The following RALGDS variants were observed in gnomAD, a reference collection of about 807,000 sequenced individuals.
RALGDS encodes the protein ral guanine nucleotide dissociation stimulator.
In RALGDS, 44 loss-of-function variants were observed where a neutral mutation model predicts 99.8. That is an observed-to-expected ratio of 0.44 (90% CI 0.35 to 0.57). RALGDS has a LOEUF of 0.57. Ranked by LOEUF, RALGDS falls within the 20% of genes least tolerant of loss-of-function variation. The pLI, the probability that RALGDS is intolerant of heterozygous loss-of-function variation, is 0.01. For synonymous variants in RALGDS, 529 were observed against 505.0 expected (o/e 1.05, Z -0.64); for missense variants, 1,022 against 1,203.1 (o/e 0.85, Z 2.23).
intron 1 of RALGDS, chr9:133,129,306 C>T (rs1398122142): frequency 6.3e-7 from 1 of 1,587,588 alleles, no homozygotes; most frequent in Non-Finnish European, 8.5e-7. Context: ...ACCTGGCCTG[C>T]TTCCCGGGCC....
At position 133,119,530 on chromosome 9, in the gene RALGDS, C is replaced by T. The variant is rs562052360; in HGVS notation, c.183+1442G>A. On this transcript the variant is annotated intron_variant, in intron 1 of 17. Coordinates refer to ENST00000372050, the MANE Select transcript of RALGDS (RefSeq NM_006266.4). The stretch of plus-strand genomic sequence containing the variant: ...CAGGCAGGGGTGGGGCTCAGCTCTG[C>T]CTCTCCCTCAGTTCCTCAGGGACGG... Among the ~76,000 whole-genome samples, 4 of 152,276 alleles carry T rather than the reference C, an allele frequency of 2.6e-5. No individual in the cohort carries two copies. The South Asian group carries it at 8.3e-4, about 32-fold the overall frequency.
intron 4 of RALGDS, 83 bp downstream of exon 4, chr9:133,109,543 C>G: frequency 7.6e-7 from 1 of 1,309,832 alleles, no homozygotes; most frequent in Non-Finnish European, 1.1e-6. Flanking sequence ...CCCAGCCAGC[C>G]CCGGCTCCGG....
intron 1 of RALGDS, among the ~76,000 whole-genome samples, chr9:133,138,424 A>G (rs928774202): frequency 1.2e-4 from 19 of 152,300 alleles, no homozygotes; most frequent in Admixed American, 2.0e-4. Context: ...GACAAAGGAC[A>G]GCAAGGTACC....
At chr9:133,111,870 C>G (rs910651845) in intron 2 of RALGDS, among the ~76,000 whole-genome samples, 172 bp downstream of exon 2, 2 of 152,146 alleles carry the variant, frequency 1.3e-5, no homozygotes, top group African/African-American at 2.4e-5. Flanking sequence ...GCTGCACACC[C>G]GGGGAAGGGA....
At chr9:133,125,433 A>C (rs543665095), upstream of RALGDS, among the ~76,000 whole-genome samples, 2 of 152,268 alleles carry the variant, frequency 1.3e-5, no homozygotes, top group African/African-American at 2.4e-5. Flanking sequence ...TCCATAATAA[A>C]AGTTATAAGA....
At chr9:133,117,816 T>C (rs1360829473) in intron 1 of RALGDS, among the ~76,000 whole-genome samples, 1 of 152,246 alleles carries the variant, frequency 6.6e-6, no homozygotes, top group Non-Finnish European at 1.5e-5. Flanking sequence ...AGTCCTTGAC[T>C]GCCTGGGTGC....
chr9:133,098,752 G>T lies in RALGDS; in HGVS notation c.2580C>A (p.Ile860=). Residue 860 remains isoleucine, a synonymous_variant, in exon 18 of 18, where the codon ATC becomes ATA. Transcript: ENST00000372050. ...QILSDDRKLK[I]PENANVFYAM... ...CATAGAAGACGTTGGCGTTTTCAGG[G>T]ATCTTCAGCTCTGGTGGGGAGGGGC... 1 of 1,613,986 alleles carries T rather than the reference G, an allele frequency of 6.2e-7. No individual in the cohort carries two copies.
In RALGDS at chr9:133,100,302, GTCC is replaced by G. The variant is rs755397480; in HGVS notation, c.2532_2534del (p.Glu844del). The G allele has an allele frequency of 3.1e-6, 5 of 1,614,086 alleles. No individual in the cohort carries two copies. In the African/African-American group the frequency reaches 6.7e-5, roughly 22 times the overall value. ...CTGAGAGAATCTGCAGCAGCTCATA[GTCC>G]TCCGGCTCCTCCTCCTCCAGGTTGT... On this transcript the variant is annotated inframe_deletion, in exon 17 of 18. Transcript: ENST00000372050.
At chr9:133,142,026 C>T (rs947714984) in intron 1 of RALGDS, among the ~76,000 whole-genome samples, 5 of 152,360 alleles carry the variant, frequency 3.3e-5, no homozygotes, top group South Asian at 2.1e-4. Flanking sequence ...ACCGAGCCAT[C>T]GCTGTGCTTT....
upstream of RALGDS, among the ~76,000 whole-genome samples, chr9:133,123,939 T>G (rs1162184195): frequency 1.8e-5 from 2 of 108,134 alleles, no homozygotes; most frequent in African/African-American, 3.8e-5. Flanking sequence ...GACACAAAGA[T>G]ACACAGAGAT....
At chr9:133,113,076 C>T (rs1433436183) in intron 1 of RALGDS, among the ~76,000 whole-genome samples, 2 of 152,208 alleles carry the variant, frequency 1.3e-5, no homozygotes, top group Non-Finnish European at 2.9e-5. Context: ...TACCCCCGGC[C>T]TCACAGCCCC....
At position 133,102,447 on chromosome 9, in the gene RALGDS, G is replaced by C. The variant is rs373623360; in HGVS notation, c.2009+29C>G. ...GAAGCTTCTGAGCCCCAAGGCAGCTGCCCCTACCACCCTTGGCCAGGCCCT... is the reference window on the plus strand; with the variant it reads ...GAAGCTTCTGAGCCCCAAGGCAGCTCCCCCTACCACCCTTGGCCAGGCCCT... On this transcript the variant is annotated intron_variant, in intron 14 of 17. Coordinates refer to ENST00000372050, the MANE Select transcript of RALGDS (RefSeq NM_006266.4). The C allele has an allele frequency of 3.1e-6, 5 of 1,603,532 alleles. No homozygotes were observed. In the African/African-American group the frequency reaches 6.7e-5, roughly 21 times the overall value.
upstream of RALGDS, chr9:133,131,247 G>A (rs539602448): frequency 1.1e-4 from 84 of 764,784 alleles, no homozygotes; most frequent in African/African-American, 1.5e-3. Flanking sequence ...CACCCTCAGG[G>A]TGGAGACTCT....
chr9:133,131,050 G>C (rs1031944081), exon 1 of RALGDS: 213 of 1,529,798 alleles, frequency 1.4e-4, no homozygotes, highest in Non-Finnish European at 1.8e-4. Flanking sequence ...GAGAGGGTGT[G>C]GGCAGGGGCT....
In RALGDS at chr9:133,098,547, G is replaced by A. The variant is rs1213086089; in HGVS notation, c.*40C>T. 1.9e-6 allele frequency: 3 copies of A among 1,610,676 alleles called. No homozygotes were observed. Among genetic ancestry groups the A allele is most frequent in the Non-Finnish European group, 2.5e-6 (3 of 1,178,462 alleles). On this transcript the variant is annotated 3_prime_UTR_variant, in exon 18 of 18. Coordinates refer to ENST00000372050, the MANE Select transcript of RALGDS (RefSeq NM_006266.4). Reference sequence around the variant, plus strand: ...TGGCCTGGGCCACTCTGGTCCATAAGTGCTTGGCTACCAGCCAGCCAGACC... The same window carrying A: ...TGGCCTGGGCCACTCTGGTCCATAAATGCTTGGCTACCAGCCAGCCAGACC...
Position 133,098,533 on chromosome 9 carries a change from A to G in RALGDS, c.*54T>C. ...GGAAGGCGCCCAGCTGGCCTGGGCC[A>G]CTCTGGTCCATAAGTGCTTGGCTAC... is the stretch of plus-strand genomic sequence containing the variant. On this transcript the variant is annotated 3_prime_UTR_variant, in exon 18 of 18. Coordinates refer to ENST00000372050, the MANE Select transcript of RALGDS (RefSeq NM_006266.4). 2 of 1,600,678 alleles carry G rather than the reference A, an allele frequency of 1.2e-6. No homozygotes were observed. Among genetic ancestry groups the G allele is most frequent in the Non-Finnish European group, 1.7e-6 (2 of 1,170,708 alleles).
intron 1 of RALGDS, 149 bp from the exon 2 acceptor site, chr9:133,112,301 C>G: frequency 1.5e-6 from 1 of 670,844 alleles, no homozygotes; most frequent in Non-Finnish European, 2.7e-6. Flanking sequence ...AATGAGATCA[C>G]AGCTCGAGAG....
At chr9:133,110,667 A>C (rs550881677) in intron 2 of RALGDS, among the ~76,000 whole-genome samples, 178 bp from the exon 3 acceptor site, 4 of 152,280 alleles carry the variant, frequency 2.6e-5, no homozygotes, top group South Asian at 2.1e-4. Context: ...GGCTCACATC[A>C]GTCATCCCGG....
At chr9:133,141,650 G>A (rs566079290) in intron 1 of RALGDS, among the ~76,000 whole-genome samples, 37 of 152,220 alleles carry the variant, frequency 2.4e-4, no homozygotes, top group Admixed American at 3.9e-4. Context: ...GGTGGATGCC[G>A]ACATGTGAGG....
Sources: gnomAD v4.1 joint callset for allele counts (sites outside exome capture counted in the v4.1 genomes callset) on GRCh38, gnomAD v4.1.1 for gene constraint, MANE v1.5 for transcripts, NCBI Gene and HGNC (gene_info 2026-07-23, HGNC 2026-07-21) for gene names.